RCCD1: variants seen among roughly 807,000 people sequenced by gnomAD.
RCCD1 encodes RCC1 domain containing 1.
A neutral mutation model predicts 37.6 loss-of-function variants in RCCD1; 40 were observed. The observed-to-expected ratio is 1.06, with a 90% CI of 0.83 to 1.39. RCCD1 has a LOEUF of 1.39. RCCD1 is among the 40% of genes most tolerant of loss of function. The pLI is 0.00. For missense variants in RCCD1, 577 were observed against 517.3 expected, an observed-to-expected ratio of 1.12 and a Z score of -1.12; for synonymous variants, 263 against 230.0, an observed-to-expected ratio of 1.14 and a Z score of -1.30.
Position 90,959,821 on chromosome 15 carries a change from C to T in RCCD1, c.680-79C>T, listed in dbSNP as rs544378641. ...GGCAGGCTTTAGTTGTCCCCAGGAG[C>T]GGATGCGATGGGGAGGAGAGTTTGG... On this transcript the variant is annotated intron_variant, in intron 4 of 7. Transcript: ENST00000394258. 4.0e-5 allele frequency: 44 copies of T among 1,113,024 alleles called. No individual in the cohort carries two copies. The African/African-American group carries it at 4.2e-4, about 11-fold the overall frequency. The allele number at this position is 1,113,024 out of a possible 1,614,324, so 68.9% of individuals were successfully genotyped here. A position where few individuals can be genotyped will look rare whatever the true frequency, so the allele number is the denominator to read the frequency against.
chr15:90,960,980 C>T lies in RCCD1; in HGVS notation c.950-45C>T, dbSNP rs748851930. On this transcript the variant is annotated intron_variant, in intron 6 of 7. Transcript: ENST00000394258. ...CAAGCTGGGCTGGACAGATGCCTTGCCAAAGAACCGTAGTGACAACTATCG... is the reference window on the plus strand; with the variant it reads ...CAAGCTGGGCTGGACAGATGCCTTGTCAAAGAACCGTAGTGACAACTATCG... 37 of 1,608,326 alleles carry T rather than the reference C, an allele frequency of 2.3e-5. No individual in the cohort carries two copies. The South Asian group carries it at 3.2e-4, about 14-fold the overall frequency.
Position 90,956,828 on chromosome 15 carries a change from C to T in RCCD1, c.94C>T (p.Pro32Ser). 7.7e-7 allele frequency: 1 copy of T among 1,303,666 alleles called. No homozygotes were observed. The highest frequency in any genetic ancestry group is 9.7e-7 in the Non-Finnish European group (1 of 1,026,284). The allele number at this position is 1,303,666 out of a possible 1,614,324, so 80.8% of individuals were successfully genotyped here. ...CGGACGCGGGCGCCAGGTGCACAGC[C>T]CCAGTCCGCTGCGGGCGGGCGTCGA... is the stretch of plus-strand genomic sequence containing the variant. The part of the protein sequence containing the change: ...GSGRGRQVHS[P>S]SPLRAGVDIC... Residue 32 changes from proline (P) to serine (S), a missense_variant, in exon 2 of 8, where the codon CCC (proline) becomes TCC (serine). Transcript: ENST00000394258.
rs762069356 is a variant in RCCD1, at chr15:90,956,702, C to T, written c.-33C>T. 7.1e-6 allele frequency: 9 copies of T among 1,262,844 alleles called. No homozygotes were observed. Among genetic ancestry groups the T allele is most frequent in the African/African-American group, 4.6e-5 (3 of 65,174 alleles). 78.2% of individuals were successfully genotyped at this position (1,262,844 alleles called of 1,614,324 possible). On this transcript the variant is annotated 5_prime_UTR_variant, in exon 2 of 8. Coordinates refer to ENST00000394258, the MANE Select transcript of RCCD1 (RefSeq NM_001017919.2). ...AGAATCCCCCCGGGCCCGCCGCAGC[C>T]AGGCGGCGGCCGGCAGAGGGCGCTG...
chr15:90,961,827 A>C lies in RCCD1; in HGVS notation c.*58A>C, dbSNP rs1410639490. 1.9e-6 allele frequency: 3 copies of C among 1,543,148 alleles called. No individual in the cohort carries two copies. The highest frequency in any genetic ancestry group is 2.7e-5 in the African/African-American group (2 of 72,810). ...GAGACCCCCATTCAGGTCAAGGAAA[A>C]CCATTGCCTGCACCCCAAGGGCCCC... is the stretch of plus-strand genomic sequence containing the variant. On this transcript the variant is annotated 3_prime_UTR_variant, in exon 8 of 8. Transcript: ENST00000394258.
In RCCD1 at chr15:90,957,337, G is replaced by A. The variant is rs975330822; in HGVS notation, c.391G>A (p.Ala131Thr). The change falls in exon 3 of 8, where the codon GCT (alanine) becomes ACT (threonine). Residue 131 changes from alanine to threonine, a missense_variant. Ala to Thr is a moderately conservative substitution (Grantham distance 58). Transcript: ENST00000394258. The part of the protein sequence containing the change: ...GEDDPAGEAQ[A>T]GRLPLLPCAR... ...AGACGATCCGGCCGGTGAGGCCCAG[G>A]CTGGGAGGCTACCCCTGCTGCCCTG... The A allele has an allele frequency of 1.9e-6, 3 of 1,546,614 alleles. No homozygotes were observed. Among genetic ancestry groups the A allele is most frequent in the African/African-American group, 1.4e-5 (1 of 73,034 alleles).
Position 90,961,375 on chromosome 15 carries a change from G to T in RCCD1, c.980-243G>T, listed in dbSNP as rs1596255498. On this transcript the variant is annotated intron_variant, in intron 7 of 7. Transcript: ENST00000394258. Reference sequence around the variant, plus strand: ...GGGTGGAGAAAAAGATTCGATGGAAGTGTGTGCTCTGAACATCTTAGCTTG... The same window carrying T: ...GGGTGGAGAAAAAGATTCGATGGAATTGTGTGCTCTGAACATCTTAGCTTG... 8 of 584,134 alleles carry T rather than the reference G, an allele frequency of 1.4e-5. No individual in the cohort carries two copies. In the East Asian group the frequency reaches 2.3e-4, roughly 17 times the overall value. The allele number at this position is 584,134 out of a possible 1,614,324, so 36.2% of individuals were successfully genotyped here.
At chr15:90,957,834 A>C in intron 4 of RCCD1, 109 bp downstream of exon 4, 2 of 1,412,336 alleles carry the variant, frequency 1.4e-6, no homozygotes, top group Non-Finnish European at 1.9e-6. Context: ...AAATTCATCC[A>C]TCCATCGCCC....
At position 90,956,915 on chromosome 15, in the gene RCCD1, C is replaced by T; in HGVS notation, c.166+15C>T. 7.8e-7 allele frequency: 1 copy of T among 1,279,222 alleles called. No homozygotes were observed. The highest frequency in any genetic ancestry group is 9.9e-7 in the Non-Finnish European group (1 of 1,014,728). 79.2% of individuals were successfully genotyped at this position (1,279,222 alleles called of 1,614,324 possible). On this transcript the variant is annotated intron_variant, in intron 2 of 7. Coordinates refer to ENST00000394258, the MANE Select transcript of RCCD1 (RefSeq NM_001017919.2). ...TTTCGTGACCCGTGAGCACTCCCCG[C>T]CCCGTCCCCACTTATTCCAGCCGCG...
chr15:90,958,451 A>G (rs1467600654), intron 4 of RCCD1, among the ~76,000 whole-genome samples: 1 of 151,648 alleles, frequency 6.6e-6, no homozygotes, highest in Non-Finnish European at 1.5e-5. Context: ...ACATGGTGAA[A>G]CCCCGTCTCT....
At chr15:90,958,907 C>T (rs34276679) in intron 4 of RCCD1, among the ~76,000 whole-genome samples, 1 of 142,378 alleles carries the variant, frequency 7.0e-6, no homozygotes, top group Non-Finnish European at 1.5e-5. Context: ...GCACTCCAGT[C>T]TGAGTGACAG....
At chr15:90,957,066 T>A in intron 2 of RCCD1, 47 bp from the exon 3 acceptor site, 2 of 1,307,640 alleles carry the variant, frequency 1.5e-6, no homozygotes, top group Non-Finnish European at 1.9e-6. Context: ...GCTCCCCCCA[T>A]CCCCGCCGCC....
Position 90,957,495 on chromosome 15 carries a change from C to CG in RCCD1, c.554dup (p.Arg186GlnfsTer29), listed in dbSNP as rs751886716. ...CTGCTGGCCAGGTGTTCTCCTGGGG[C>CG]GGGGGCAGGTGAGCGGAGGCGGGGG... On this transcript the variant is annotated frameshift_variant, in exon 3 of 8. Transcript: ENST00000394258. LOFTEE classifies it high-confidence loss of function. 2.5e-5 allele frequency: 39 copies of CG among 1,557,366 alleles called. No individual in the cohort carries two copies. Among genetic ancestry groups the CG allele is most frequent in the Non-Finnish European group, 3.0e-5 (35 of 1,154,668 alleles).
Position 90,961,625 on chromosome 15 carries a change from T to A in RCCD1, c.987T>A (p.Tyr329Ter). ...GELYTWGWGK[Y>*]GQLGHEDTTS... ...GGGCTGATTTCACTTTAGGTAAATA[T>A]GGACAGCTGGGCCACGAGGACACCA... is the stretch of plus-strand genomic sequence containing the variant. Residue 329 changes from tyrosine to a stop codon, truncating the protein, a stop_gained, in exon 8 of 8, where the codon TAT (tyrosine) becomes TAA (stop). Coordinates refer to ENST00000394258, the MANE Select transcript of RCCD1 (RefSeq NM_001017919.2). LOFTEE classifies it high-confidence loss of function. 6.2e-7 allele frequency: 1 copy of A among 1,612,722 alleles called. No individual in the cohort carries two copies. Among genetic ancestry groups the A allele is most frequent in the Non-Finnish European group, 8.5e-7 (1 of 1,179,252 alleles).
At position 90,957,696 on chromosome 15, in the gene RCCD1, C is replaced by CG. The variant is rs753185624; in HGVS notation, c.656dup (p.Trp220LeufsTer8). The stretch of plus-strand genomic sequence containing the variant: ...GGCCTAGTCATGGCTGAGGTGGCCG[C>CG]GGGGGGCTGGCATTCTGTGTGTGTG... On this transcript the variant is annotated frameshift_variant, in exon 4 of 8. Coordinates refer to ENST00000394258, the MANE Select transcript of RCCD1 (RefSeq NM_001017919.2). LOFTEE classifies it high-confidence loss of function. The CG allele has an allele frequency of 1.2e-5, 20 of 1,612,550 alleles. No homozygotes were observed. The highest frequency in any genetic ancestry group is 2.2e-5 in the East Asian group (1 of 44,860).
chr15:90,960,065 G>C, intron 5 of RCCD1, 67 bp downstream of exon 5: 1 of 1,315,726 alleles, frequency 7.6e-7, no homozygotes, highest in Non-Finnish European at 1.1e-6. Flanking sequence ...ACTCCTGGCT[G>C]TATGCTGGCC....
rs1049732312 is a variant in RCCD1, at chr15:90,962,969, C to G, written c.*1200C>G. ...ACTTATTTTGATAAAATAAGCTTAT[C>G]AGTAGTTTTCTTTATAGTTAAATTC... On this transcript the variant is annotated 3_prime_UTR_variant, in exon 8 of 8. Coordinates refer to ENST00000394258, the MANE Select transcript of RCCD1 (RefSeq NM_001017919.2). 3.9e-5 allele frequency: 6 copies of G among 152,144 alleles called. No individual in the cohort carries two copies. Among genetic ancestry groups the G allele is most frequent in the Non-Finnish European group, 8.8e-5 (6 of 68,032 alleles). The allele number at this position is 152,144 out of a possible 1,614,324, so 9.4% of individuals were successfully genotyped here.
Position 90,956,593 on chromosome 15 carries a change from T to G in RCCD1, c.-123-19T>G. 2.6e-6 allele frequency: 2 copies of G among 778,306 alleles called. No homozygotes were observed. The highest frequency in any genetic ancestry group is 1.7e-6 in the Non-Finnish European group (1 of 574,872). The allele number at this position is 778,306 out of a possible 1,614,324, so 48.2% of individuals were successfully genotyped here. On this transcript the variant is annotated intron_variant, in intron 1 of 7. Transcript: ENST00000394258. ...TCTGCCTTTGTGGTCGGGAGAATGA[T>G]AGTTTCTCCATTTTACAGATAAGGC...
In RCCD1 at chr15:90,962,337, G is replaced by C. The variant is rs1162922686; in HGVS notation, c.*568G>C. 6.6e-6 allele frequency: 1 copy of C among 152,240 alleles called. No individual in the cohort carries two copies. 9.4% of individuals were successfully genotyped at this position (152,240 alleles called of 1,614,324 possible). ...CTGTTGTATGAATAATACCTCAAGT[G>C]ATACAGCCTTGTTGATGGTCATTTT... is the stretch of plus-strand genomic sequence containing the variant. On this transcript the variant is annotated 3_prime_UTR_variant, in exon 8 of 8. Coordinates refer to ENST00000394258, the MANE Select transcript of RCCD1 (RefSeq NM_001017919.2).
rs564632308 is a variant in RCCD1 at position 90,956,701 on chromosome 15, C to T, written c.-34C>T. 4 of 1,262,080 alleles carry T rather than the reference C, an allele frequency of 3.2e-6. No individual in the cohort carries two copies. The African/African-American group carries it at 4.6e-5, about 15-fold the overall frequency. 78.2% of individuals were successfully genotyped at this position (1,262,080 alleles called of 1,614,324 possible). A position where few individuals can be genotyped will look rare whatever the true frequency, so the allele number is the denominator to read the frequency against. On this transcript the variant is annotated 5_prime_UTR_variant, in exon 2 of 8. Transcript: ENST00000394258. ...AAGAATCCCCCCGGGCCCGCCGCAGCCAGGCGGCGGCCGGCAGAGGGCGCT... is the reference window on the plus strand; with the variant it reads ...AAGAATCCCCCCGGGCCCGCCGCAGTCAGGCGGCGGCCGGCAGAGGGCGCT...
Sources: gnomAD v4.1 joint callset for allele counts (sites outside exome capture counted in the v4.1 genomes callset) on GRCh38, gnomAD v4.1.1 for gene constraint, MANE v1.5 for transcripts, NCBI Gene and HGNC (gene_info 2026-07-23, HGNC 2026-07-21) for gene names.